The following OSBPL6 variants were observed in gnomAD, a reference collection of about 807,000 sequenced individuals.
OSBPL6 encodes oxysterol-binding protein-related protein 6.
OSBPL6 carries 49 observed loss-of-function variants against 125.8 expected under a neutral mutation model. That is an observed-to-expected ratio of 0.39 (90% CI 0.31 to 0.49). OSBPL6 has a LOEUF of 0.49. OSBPL6 is among the 20% of genes least tolerant of loss of function. The pLI, the probability that OSBPL6 is intolerant of heterozygous loss-of-function variation, is 0.88. For missense variants in OSBPL6, 986 were observed against 1,135.4 expected (o/e 0.87, Z 1.89); for synonymous variants, 394 against 391.8 (o/e 1.01, Z -0.07).
At chr2:178,350,166 G>A (rs147605688) in intron 12 of OSBPL6, among the ~76,000 whole-genome samples, 1 of 152,138 alleles carries the variant, frequency 6.6e-6, no homozygotes, top group Non-Finnish European at 1.5e-5. Context: ...GAGGCTTGTT[G>A]TATAAATTAA....
intron 1 of OSBPL6, among the ~76,000 whole-genome samples, chr2:178,219,323 G>A (rs944757222): frequency 2.0e-5 from 3 of 152,182 alleles, no homozygotes; most frequent in African/African-American, 7.2e-5. Flanking sequence ...GGAAATGGAA[G>A]CACAGAAGCA....
intron 11 of OSBPL6, among the ~76,000 whole-genome samples, chr2:178,343,092 T>C (rs1305906261): frequency 6.6e-6 from 1 of 152,206 alleles, no homozygotes; most frequent in African/African-American, 2.4e-5. Context: ...TTTGGAACTT[T>C]TTTGAAGATT....
chr2:178,388,375 T>A (rs565884345), intron 20 of OSBPL6, among the ~76,000 whole-genome samples: 1 of 152,302 alleles, frequency 6.6e-6, no homozygotes, highest in South Asian at 2.1e-4. Flanking sequence ...CTACCTGGAA[T>A]CCTGCGGTGG....
At position 178,395,819 on chromosome 2, in the gene OSBPL6, A is replaced by G. The variant is rs1695812069; in HGVS notation, c.*260A>G. ...AAAAAAATCCACACCGTCCTTGGAA[A>G]GCAGAATAAAAGGAGCAGAATATAA... On this transcript the variant is annotated 3_prime_UTR_variant, in exon 25 of 25. Coordinates refer to ENST00000190611, the MANE Select transcript of OSBPL6 (RefSeq NM_032523.4). 2.1e-6 allele frequency: 1 copy of G among 471,004 alleles called. No homozygotes were observed. The highest frequency in any genetic ancestry group is 5.3e-5 in the East Asian group (1 of 18,820). The allele number at this position is 471,004 out of a possible 1,614,324, so 29.2% of individuals were successfully genotyped here. A position where few individuals can be genotyped will look rare whatever the true frequency, so the allele number is the denominator to read the frequency against.
chr2:178,382,475 A>G lies in OSBPL6; in HGVS notation c.1589A>G (p.Asn530Ser), dbSNP rs370679736. Residue 530 changes from asparagine to serine, a missense_variant, in exon 16 of 25, where the codon AAC becomes AGC. Transcript: ENST00000190611. ...SDVSDNISEDNTSVADNISRQ... is the reference protein window; with the variant it reads ...SDVSDNISEDSTSVADNISRQ... ...GTGAGTGATAATATATCTGAAGACA[A>G]CACCAGTGTTGCAGACAATATTTCT... 2 of 1,614,128 alleles carry G rather than the reference A, an allele frequency of 1.2e-6. No homozygotes were observed. Among genetic ancestry groups the G allele is most frequent in the East Asian group, 2.2e-5 (1 of 44,878 alleles).
At position 178,401,554 on chromosome 2, in the gene OSBPL6, A is replaced by G. The variant is rs1575071039; in HGVS notation, c.*5995A>G. The G allele has an allele frequency of 6.6e-6, 1 of 152,210 alleles. No individual in the cohort carries two copies. The highest frequency in any genetic ancestry group is 1.5e-5 in the Non-Finnish European group (1 of 68,040). 9.4% of individuals were successfully genotyped at this position (152,210 alleles called of 1,614,324 possible). ...ACTTTCCAGACAAGATCACATACAAAATGGTTAACATGAAATGCTAATGAA... is the reference window on the plus strand; with the variant it reads ...ACTTTCCAGACAAGATCACATACAAGATGGTTAACATGAAATGCTAATGAA... On this transcript the variant is annotated 3_prime_UTR_variant, in exon 25 of 25. Transcript: ENST00000190611.
chr2:178,320,930 C>T (rs532174700), intron 3 of OSBPL6, among the ~76,000 whole-genome samples: 37 of 152,220 alleles, frequency 2.4e-4, no homozygotes, highest in Middle Eastern at 3.4e-3. Context: ...GAGGCCGAGG[C>T]GGGTGGATCA....
chr2:178,372,607 G>C (rs1303639767), intron 14 of OSBPL6, among the ~76,000 whole-genome samples: 2 of 151,364 alleles, frequency 1.3e-5, no homozygotes, highest in African/African-American at 4.9e-5. Context: ...AAGTTGCCAA[G>C]TAAAAATGTT....
At chr2:178,301,721 G>A (rs138079104) in intron 2 of OSBPL6, among the ~76,000 whole-genome samples, 55 of 152,148 alleles carry the variant, frequency 3.6e-4, no homozygotes, top group Admixed American at 2.2e-3. Flanking sequence ...CCAATAAAAC[G>A]TGAGTGAGCT....
chr2:178,292,336 T>A (rs1559210123), intron 2 of OSBPL6, among the ~76,000 whole-genome samples: 2 of 152,328 alleles, frequency 1.3e-5, no homozygotes, highest in South Asian at 4.1e-4. Flanking sequence ...TCACTTTGCA[T>A]ATCAAATGAT....
At chr2:178,324,701 C>G (rs1179944080) in intron 4 of OSBPL6, among the ~76,000 whole-genome samples, 1 of 152,182 alleles carries the variant, frequency 6.6e-6, no homozygotes, top group Non-Finnish European at 1.5e-5. Flanking sequence ...TAATATAGTT[C>G]TCATAAACAG....
At chr2:178,312,117 G>A (rs1687325871) in intron 3 of OSBPL6, among the ~76,000 whole-genome samples, 1 of 151,740 alleles carries the variant, frequency 6.6e-6, no homozygotes, top group South Asian at 2.1e-4. Flanking sequence ...GAGTAGCTGG[G>A]ACTACAGGCG....
At position 178,344,247 on chromosome 2, in the gene OSBPL6, G is replaced by C. The variant is rs12464380; in HGVS notation, c.987+4483G>C. 87,132 of 1,540,912 alleles carry C rather than the reference G, an allele frequency of 0.057. 3,315 individuals carry two copies. Among genetic ancestry groups the C allele is most frequent in the South Asian group, 0.15 (13,758 of 89,294 alleles). Reference sequence around the variant, plus strand: ...CCCATCTTCCATCCTTTCCTCCCCCGTCCTGTGTTTCCTCCCCTCTTCTCC... The same window carrying C: ...CCCATCTTCCATCCTTTCCTCCCCCCTCCTGTGTTTCCTCCCCTCTTCTCC... On this transcript the variant is annotated intron_variant, in intron 11 of 24. Coordinates refer to ENST00000190611, the MANE Select transcript of OSBPL6 (RefSeq NM_032523.4).
At position 178,384,196 on chromosome 2, in the gene OSBPL6, G is replaced by C. The variant is rs766206093; in HGVS notation, c.2013+20G>C. ...GAACAGGTAAGCGCCACTGGACTCA[G>C]TGAGGTTTCTATATAGGTAAGAGGA... On this transcript the variant is annotated intron_variant, in intron 18 of 24. Transcript: ENST00000190611. The C allele has an allele frequency of 3.7e-6, 6 of 1,609,354 alleles. No individual in the cohort carries two copies. The highest frequency in any genetic ancestry group is 5.1e-6 in the Non-Finnish European group (6 of 1,176,230).
chr2:178,286,580 G>A (rs1406560976), intron 2 of OSBPL6, among the ~76,000 whole-genome samples: 3 of 152,180 alleles, frequency 2.0e-5, no homozygotes, highest in Admixed American at 2.0e-4. Flanking sequence ...ATGGGCTTAA[G>A]GAGATCTAAT....
chr2:178,308,594 G>A (rs1686991544), intron 3 of OSBPL6, among the ~76,000 whole-genome samples: 1 of 152,098 alleles, frequency 6.6e-6, no homozygotes, highest in South Asian at 2.1e-4. Flanking sequence ...GAATGATTGA[G>A]CATTTCTACT....
intron 11 of OSBPL6, among the ~76,000 whole-genome samples, chr2:178,348,711 C>T (rs1223609417): frequency 5.9e-5 from 9 of 152,114 alleles, no homozygotes; most frequent in African/African-American, 2.2e-4. Flanking sequence ...AAGTATGAGT[C>T]TCTTTAAGCC....
chr2:178,307,885 A>G (rs561660781), intron 3 of OSBPL6, among the ~76,000 whole-genome samples: 7 of 152,234 alleles, frequency 4.6e-5, no homozygotes, highest in African/African-American at 1.7e-4. Flanking sequence ...TGCCTGTTGC[A>G]CCCGAGCTCC....
chr2:178,336,336 A>G lies in OSBPL6; in HGVS notation c.693A>G (p.Leu231=), dbSNP rs754806294. The change falls in exon 9 of 25, where the codon TTA becomes TTG. Residue 231 remains leucine (L), a synonymous_variant. Coordinates refer to ENST00000190611, the MANE Select transcript of OSBPL6 (RefSeq NM_032523.4). ...QPNSFPWQSP[L]PCSNSLPATC... ...ACAGCTTTCCGTGGCAGTCCCCTTT[A>G]CCATGCAGCAATAGCCTCCCTGCAA... 3 of 1,614,062 alleles carry G rather than the reference A, an allele frequency of 1.9e-6. No homozygotes were observed. Among genetic ancestry groups the G allele is most frequent in the East Asian group, 4.5e-5 (2 of 44,878 alleles).
Sources: gnomAD v4.1 joint callset for allele counts (sites outside exome capture counted in the v4.1 genomes callset) on GRCh38, gnomAD v4.1.1 for gene constraint, MANE v1.5 for transcripts, NCBI Gene and HGNC (gene_info 2026-07-23, HGNC 2026-07-21) for gene names.